COL21A1: variants seen among roughly 807,000 people sequenced by gnomAD.
The protein encoded by COL21A1 is collagen alpha-1(XXI) chain.
A neutral mutation model predicts 137.9 loss-of-function variants in COL21A1; 149 were observed. The observed-to-expected ratio is 1.08, with a 90% CI of 0.95 to 1.24. The LOEUF is 1.24. Ranked by LOEUF, COL21A1 falls within the 50% of genes most tolerant of loss-of-function variation. The pLI, the probability that COL21A1 is intolerant of heterozygous loss-of-function variation, is 0.00. For missense variants in COL21A1, 1,167 were observed against 1,158.4 expected, an observed-to-expected ratio of 1.01 and a Z score of -0.11; for synonymous variants, 456 against 391.5, an observed-to-expected ratio of 1.16 and a Z score of -1.95.
At chr6:56,388,728 T>C (rs1271167091) in intron 1 of COL21A1, among the ~76,000 whole-genome samples, 6 of 152,204 alleles carry the variant, frequency 3.9e-5, no homozygotes, top group Non-Finnish European at 2.9e-5. Flanking sequence ...TGCCCAGATA[T>C]TGACAAATGT....
chr6:56,301,581 A>G (rs1308224125), intron 1 of COL21A1, among the ~76,000 whole-genome samples: 1 of 152,192 alleles, frequency 6.6e-6, no homozygotes, highest in Non-Finnish European at 1.5e-5. Context: ...CTAACTACAG[A>G]CATCAGAAAC....
At chr6:56,284,177 A>G (rs2152334452) in intron 1 of COL21A1, among the ~76,000 whole-genome samples, 1 of 152,126 alleles carries the variant, frequency 6.6e-6, no homozygotes, top group African/African-American at 2.4e-5. Context: ...CCTTCCAAGT[A>G]GCTGGGACTA....
intron 1 of COL21A1, among the ~76,000 whole-genome samples, chr6:56,362,461 TA>T (rs1464036011): frequency 2.4e-4 from 36 of 152,308 alleles, no homozygotes; most frequent in African/African-American, 8.2e-4. Context: ...GACCAGTAGG[TA>T]AAGGACTCAA....
intron 1 of COL21A1, among the ~76,000 whole-genome samples, chr6:56,186,420 C>A (rs1251248855): frequency 6.6e-6 from 1 of 152,158 alleles, no homozygotes; most frequent in African/African-American, 2.4e-5. Flanking sequence ...ATACTAAATT[C>A]TTTCCTTCTT....
chr6:56,185,489 G>A (rs1038659669), intron 1 of COL21A1, among the ~76,000 whole-genome samples: 1 of 133,380 alleles, frequency 7.5e-6, no homozygotes, highest in Non-Finnish European at 1.5e-5. Context: ...ACTGCGGACT[G>A]CAGTGGCGCA....
At chr6:56,081,173 A>G (rs535954769) in intron 17 of COL21A1, among the ~76,000 whole-genome samples, 4 of 151,962 alleles carry the variant, frequency 2.6e-5, no homozygotes, top group Admixed American at 2.0e-4. Flanking sequence ...AAAGTTGTGA[A>G]ATACTTGAAG....
rs572526398 is a variant in COL21A1 at position 56,306,635 on chromosome 6, A to AT, written c.-39+87335dup. ...ATTATTCTAGTTAGCCATTTATCTA[A>AT]TTTTTTTTCAAGGTTTTTAACTTCT... On this transcript the variant is annotated intron_variant, in intron 1 of 28. Transcript: ENST00000370819. Among the ~76,000 whole-genome samples, 7 of 151,810 alleles carry AT rather than the reference A, an allele frequency of 4.6e-5. 1 individual carries two copies. Among genetic ancestry groups the AT allele is most frequent in the Admixed American group, 1.3e-4 (2 of 15,248 alleles).
chr6:56,341,657 A>G (rs1432348586), intron 1 of COL21A1, among the ~76,000 whole-genome samples: 1 of 152,206 alleles, frequency 6.6e-6, no homozygotes, highest in Admixed American at 6.5e-5. Context: ...AATGATGGAT[A>G]TGTGTCATTA....
chr6:56,113,372 C>T (rs149378554), intron 16 of COL21A1, among the ~76,000 whole-genome samples: 281 of 152,238 alleles, frequency 1.8e-3, no homozygotes, highest in African/African-American at 6.4e-3. Flanking sequence ...TCAGCCACAG[C>T]AGGATAGGGT....
intron 16 of COL21A1, among the ~76,000 whole-genome samples, chr6:56,107,821 G>A (rs1035325328): frequency 3.3e-5 from 5 of 152,088 alleles, no homozygotes; most frequent in African/African-American, 1.2e-4. Context: ...TATTGGTAAA[G>A]GTGCTGGTGA....
chr6:56,059,327 G>T, intron 28 of COL21A1, 85 bp from the exon 29 acceptor site: 1 of 825,688 alleles, frequency 1.2e-6, no homozygotes, highest in South Asian at 2.5e-5. Flanking sequence ...ATATACACAT[G>T]AAAGAAAAAT....
At chr6:56,217,997 C>T (rs1780596884) in intron 1 of COL21A1, among the ~76,000 whole-genome samples, 1 of 152,062 alleles carries the variant, frequency 6.6e-6, no homozygotes, top group African/African-American at 2.4e-5. Flanking sequence ...ATGATGAAAC[C>T]TCAAGAGCTT....
intron 1 of COL21A1, among the ~76,000 whole-genome samples, chr6:56,244,402 T>C (rs576421124): frequency 6.6e-6 from 1 of 152,316 alleles, no homozygotes; most frequent in South Asian, 2.1e-4. Context: ...CTTGCTCCTA[T>C]ATGTCTCCAT....
chr6:56,292,872 T>C (rs1764085136), intron 1 of COL21A1, among the ~76,000 whole-genome samples: 1 of 152,224 alleles, frequency 6.6e-6, no homozygotes. Context: ...TAATTATTCC[T>C]GAAAGTTGTC....
At chr6:56,393,412 G>A (rs1011716905) in intron 1 of COL21A1, among the ~76,000 whole-genome samples, 9 of 152,126 alleles carry the variant, frequency 5.9e-5, no homozygotes, top group Non-Finnish European at 1.3e-4. Context: ...AAAAATTGGG[G>A]AAACTCTCCA....
intron 3 of COL21A1, among the ~76,000 whole-genome samples, chr6:56,175,050 A>G (rs1353528139): frequency 6.6e-6 from 1 of 152,136 alleles, no homozygotes; most frequent in Non-Finnish European, 1.5e-5. Context: ...AGATAACATG[A>G]TCATCTCAAT....
At position 56,060,172 on chromosome 6, in the gene COL21A1, A is replaced by G. The variant is rs1381785180; in HGVS notation, c.2454T>C (p.Asp818=). 1.2e-6 allele frequency: 2 copies of G among 1,609,614 alleles called. No homozygotes were observed. The highest frequency in any genetic ancestry group is 1.7e-6 in the Non-Finnish European group (2 of 1,178,670). Residue 818 remains aspartate, a synonymous_variant, in exon 28 of 30, where the codon GAT becomes GAC. Coordinates refer to ENST00000244728, the MANE Select transcript of COL21A1 (RefSeq NM_030820.4). ...GGGAGCCATGTTGGGACAGGCAATG[A>G]TCACAATTTCTAATTCTTCCACTCT... is the stretch of plus-strand genomic sequence containing the variant. ...LLQSGRIRNC[D]HCLSQHGSPG...
intron 1 of COL21A1, among the ~76,000 whole-genome samples, chr6:56,211,777 C>A (rs150812336): frequency 2.2e-3 from 329 of 152,068 alleles, no homozygotes; most frequent in African/African-American, 7.6e-3. Context: ...TTTAATTGCC[C>A]CTTCTCCCAG....
At chr6:56,279,174 C>T (rs1265881628) in intron 1 of COL21A1, among the ~76,000 whole-genome samples, 2 of 151,968 alleles carry the variant, frequency 1.3e-5, no homozygotes, top group Non-Finnish European at 2.9e-5. Flanking sequence ...GTGTTAGCAC[C>T]TCCCACCTCA....
Sources: gnomAD v4.1 joint callset for allele counts (sites outside exome capture counted in the v4.1 genomes callset) on GRCh38, gnomAD v4.1.1 for gene constraint, MANE v1.5 for transcripts, NCBI Gene and HGNC (gene_info 2026-07-23, HGNC 2026-07-21) for gene names.